COL23A1: variants seen among roughly 807,000 people sequenced by gnomAD.
The protein encoded by COL23A1 is collagen alpha-1(XXIII) chain.
A neutral mutation model predicts 99.3 loss-of-function variants in COL23A1; 97 were observed. The observed-to-expected ratio is 0.98, with a 90% CI of 0.83 to 1.16. The LOEUF (loss-of-function observed/expected upper bound fraction) is 1.16. Ranked by LOEUF, COL23A1 falls within the 50% of genes most tolerant of loss-of-function variation. The probability of loss-of-function intolerance (pLI) is 0.00; values close to 1 mark genes in which losing one functional copy is unlikely to be tolerated. For synonymous variants in COL23A1, 320 were observed against 308.2 expected (o/e 1.04, Z -0.40); for missense variants, 762 against 757.4 (o/e 1.01, Z -0.07).
intron 5 of COL23A1, among the ~76,000 whole-genome samples, chr5:178,286,240 A>T (rs1054599518): frequency 3.9e-4 from 60 of 152,104 alleles, no homozygotes; most frequent in African/African-American, 1.4e-3. Context: ...GTGACTGGGG[A>T]GCTGCTGGTA....
intron 2 of COL23A1, among the ~76,000 whole-genome samples, chr5:178,451,227 C>T (rs1361438064): frequency 7.2e-5 from 11 of 152,178 alleles, no homozygotes; most frequent in Non-Finnish European, 4.4e-5. Flanking sequence ...GATCATTTAA[C>T]TTCTAATTTT....
chr5:178,290,052 T>C (rs1345310139), intron 4 of COL23A1, among the ~76,000 whole-genome samples: 1 of 152,074 alleles, frequency 6.6e-6, no homozygotes, highest in Non-Finnish European at 1.5e-5. Context: ...GTGCCTCGAT[T>C]TCCTGAGTAG....
At chr5:178,473,809 C>G (rs998148966) in intron 2 of COL23A1, among the ~76,000 whole-genome samples, 1 of 152,106 alleles carries the variant, frequency 6.6e-6, no homozygotes, top group African/African-American at 2.4e-5. Context: ...ATCCAGCACC[C>G]CTATGGGGTT....
At chr5:178,381,839 T>C (rs1208759374) in intron 2 of COL23A1, among the ~76,000 whole-genome samples, 1 of 152,206 alleles carries the variant, frequency 6.6e-6, no homozygotes, top group African/African-American at 2.4e-5. Context: ...TTTCCCTCTA[T>C]TGCCCTCACT....
intron 2 of COL23A1, among the ~76,000 whole-genome samples, chr5:178,453,072 C>A (rs939458571): frequency 6.6e-6 from 1 of 152,062 alleles, no homozygotes; most frequent in South Asian, 2.1e-4. Flanking sequence ...TCCCACACGG[C>A]GAGAAAAACC....
chr5:178,530,658 C>T lies in COL23A1; in HGVS notation c.361+30024G>A, dbSNP rs922855068. Among the ~76,000 whole-genome samples the T allele has an allele frequency of 2.0e-5, 3 of 152,070 alleles. No homozygotes were observed. In the East Asian group the frequency reaches 5.8e-4, roughly 29 times the overall value. On this transcript the variant is annotated intron_variant, in intron 2 of 28. Transcript: ENST00000390654. Reference sequence around the variant, plus strand: ...TTGTGAGGAGGCCAAGCAGCCAGACCAAAGACCAGGTGTAGATGTTGCAGC... The same window carrying T: ...TTGTGAGGAGGCCAAGCAGCCAGACTAAAGACCAGGTGTAGATGTTGCAGC...
At chr5:178,514,599 G>A (rs1380461859) in intron 2 of COL23A1, among the ~76,000 whole-genome samples, 1 of 152,210 alleles carries the variant, frequency 6.6e-6, no homozygotes, top group Non-Finnish European at 1.5e-5. Flanking sequence ...CACAGGGCCT[G>A]GGGCCACAAA....
Position 178,238,644 on chromosome 5 carries a change from C to G in COL23A1, c.*54G>C. ...TCAATATATTACTGTTTTGTTTTTA[C>G]AAAAATTAAAAATGTCCACACGGAT... On this transcript the variant is annotated 3_prime_UTR_variant, in exon 29 of 29. Transcript: ENST00000390654. 1 of 1,608,910 alleles carries G rather than the reference C, an allele frequency of 6.2e-7. No homozygotes were observed. The highest frequency in any genetic ancestry group is 8.5e-7 in the Non-Finnish European group (1 of 1,177,466).
chr5:178,322,616 C>T (rs1759391198), intron 2 of COL23A1, among the ~76,000 whole-genome samples: 1 of 149,394 alleles, frequency 6.7e-6, no homozygotes, highest in Admixed American at 6.7e-5. Flanking sequence ...TCCCTGACCC[C>T]TCTCCAGGTC....
intron 2 of COL23A1, among the ~76,000 whole-genome samples, chr5:178,361,992 G>A (rs546435570): frequency 2.0e-5 from 3 of 152,298 alleles, no homozygotes; most frequent in East Asian, 1.9e-4. Flanking sequence ...AGGAAATGCT[G>A]AGTGGGAGAT....
chr5:178,372,176 G>C (rs980940817), intron 2 of COL23A1, among the ~76,000 whole-genome samples: 1 of 152,208 alleles, frequency 6.6e-6, no homozygotes, highest in Non-Finnish European at 1.5e-5. Context: ...CTCCAAAGAC[G>C]GGGCTGACGC....
intron 2 of COL23A1, among the ~76,000 whole-genome samples, chr5:178,516,002 G>C (rs1759485677): frequency 6.6e-6 from 1 of 152,172 alleles, no homozygotes; most frequent in African/African-American, 2.4e-5. Context: ...CAGTTCCAGA[G>C]TTTCTCTTTT....
intron 2 of COL23A1, among the ~76,000 whole-genome samples, chr5:178,342,222 C>T (rs1457208896): frequency 6.6e-6 from 1 of 152,194 alleles, no homozygotes; most frequent in East Asian, 1.9e-4. Flanking sequence ...ACAGTGTCTC[C>T]CACCTGGAGC....
intron 2 of COL23A1, among the ~76,000 whole-genome samples, chr5:178,400,086 G>T (rs956161933): frequency 1.3e-5 from 2 of 152,104 alleles, no homozygotes; most frequent in Non-Finnish European, 2.9e-5. Context: ...CATGGAATAG[G>T]CTGGGCGCTG....
intron 7 of COL23A1, 41 bp downstream of exon 7, chr5:178,268,689 C>A (rs770374057): frequency 1.9e-6 from 3 of 1,583,910 alleles, no homozygotes; most frequent in Non-Finnish European, 2.6e-6. Context: ...TGGGATTCTT[C>A]GCCTGCCTAC....
Position 178,292,547 on chromosome 5 carries a change from C to T in COL23A1, c.407-2178G>A, listed in dbSNP as rs187708429. ...GGCAATGTGGGGCAATTGGGTAGGG[C>T]CTTGAGCAGAGAGAGGGTGAGACCT... On this transcript the variant is annotated intron_variant, in intron 3 of 28. Transcript: ENST00000390654. Among the ~76,000 whole-genome samples, 172 of 152,320 alleles carry T rather than the reference C, an allele frequency of 1.1e-3. 1 individual carries two copies. Among genetic ancestry groups the T allele is most frequent in the African/African-American group, 3.9e-3 (161 of 41,578 alleles).
At chr5:178,399,840 A>G (rs1764340408) in intron 2 of COL23A1, among the ~76,000 whole-genome samples, 1 of 152,174 alleles carries the variant, frequency 6.6e-6, no homozygotes, top group Non-Finnish European at 1.5e-5. Flanking sequence ...AAATGTACTG[A>G]CATGATTGTT....
chr5:178,551,997 C>T (rs573402912), intron 2 of COL23A1, among the ~76,000 whole-genome samples: 1 of 152,180 alleles, frequency 6.6e-6, no homozygotes, highest in Non-Finnish European at 1.5e-5. Context: ...GGATGTCAGT[C>T]TCTCAGAATG....
At chr5:178,248,111 CT>C in intron 20 of COL23A1, 80 bp downstream of exon 20, 6 of 1,091,418 alleles carry the variant, frequency 5.5e-6, no homozygotes, top group South Asian at 1.4e-5. Flanking sequence ...GCCAGGTGGC[CT>C]TTTTGTCCCA....
Sources: gnomAD v4.1 joint callset for allele counts (sites outside exome capture counted in the v4.1 genomes callset) on GRCh38, gnomAD v4.1.1 for gene constraint, MANE v1.5 for transcripts, NCBI Gene and HGNC (gene_info 2026-07-23, HGNC 2026-07-21) for gene names.